The following MACROD2 variants were observed in gnomAD, a reference collection of about 807,000 sequenced individuals.
The protein encoded by MACROD2 is ADP-ribose glycohydrolase MACROD2.
Under a neutral mutation model 70.4 loss-of-function variants are expected in MACROD2, and 36 were observed. The ratio of observed to expected loss-of-function variants is 0.51; its 90% CI spans 0.39 to 0.68. The LOEUF (loss-of-function observed/expected upper bound fraction) is 0.68. Ranked by LOEUF, MACROD2 falls within the 30% of genes least tolerant of loss-of-function variation. The pLI is 0.00. For synonymous variants in MACROD2, 172 were observed against 178.8 expected, an observed-to-expected ratio of 0.96 and a Z score of 0.30; for missense variants, 496 against 538.4, an observed-to-expected ratio of 0.92 and a Z score of 0.78.
chr20:14,688,230 C>T (rs1481284739), intron 5 of MACROD2, among the ~76,000 whole-genome samples: 2 of 152,146 alleles, frequency 1.3e-5, no homozygotes, highest in African/African-American at 4.8e-5. Flanking sequence ...AGCCAGTCAT[C>T]CAGCCACAAG....
chr20:15,562,464 A>G (rs978404550), intron 8 of MACROD2, among the ~76,000 whole-genome samples: 3 of 152,220 alleles, frequency 2.0e-5, no homozygotes, highest in Admixed American at 6.5e-5. Context: ...AAATCCAAGC[A>G]TAGAGATTCC....
rs1175994638 is a variant in MACROD2, at chr20:15,522,853, C to T, written c.645+23006C>T. Among the ~76,000 whole-genome samples, 3 of 152,198 alleles carry T rather than the reference C, an allele frequency of 2.0e-5. No homozygotes were observed. The South Asian group carries it at 6.2e-4, about 32-fold the overall frequency. On this transcript the variant is annotated intron_variant, in intron 8 of 17. Transcript: ENST00000684519. ...ATATACGTAAGCCTGCCTTTTGGAT[C>T]TAGGAGACGGAGAGTTTTATGAAAC...
At chr20:14,437,769 A>G (rs1287750035) in intron 3 of MACROD2, among the ~76,000 whole-genome samples, 3 of 152,220 alleles carry the variant, frequency 2.0e-5, no homozygotes, top group African/African-American at 2.4e-5. Context: ...TACACTCAAA[A>G]TACATTTTCA....
At chr20:14,797,602 C>T (rs1222435035) in intron 5 of MACROD2, among the ~76,000 whole-genome samples, 1 of 152,106 alleles carries the variant, frequency 6.6e-6, no homozygotes, top group Non-Finnish European at 1.5e-5. Flanking sequence ...ACTCAAATGA[C>T]ATTTCCTCAT....
At chr20:15,350,836 A>G (rs1038260885) in intron 6 of MACROD2, among the ~76,000 whole-genome samples, 1 of 152,166 alleles carries the variant, frequency 6.6e-6, no homozygotes, top group Non-Finnish European at 1.5e-5. Flanking sequence ...TGAGATTATT[A>G]TTCTTTACAT....
chr20:15,012,926 A>G (rs973814627), intron 5 of MACROD2, among the ~76,000 whole-genome samples: 2 of 152,202 alleles, frequency 1.3e-5, no homozygotes, highest in African/African-American at 4.8e-5. Flanking sequence ...GCAGAGTCTG[A>G]TCATACACGG....
At chr20:14,244,478 G>A (rs1006895832) in intron 3 of MACROD2, among the ~76,000 whole-genome samples, 1 of 152,178 alleles carries the variant, frequency 6.6e-6, no homozygotes, top group Non-Finnish European at 1.5e-5. Context: ...AACTCTAGAA[G>A]GAGGTGTGAC....
chr20:15,595,045 C>G (rs1324052628), intron 8 of MACROD2, among the ~76,000 whole-genome samples: 1 of 152,122 alleles, frequency 6.6e-6, no homozygotes, highest in Non-Finnish European at 1.5e-5. Flanking sequence ...AGCTTGATAC[C>G]AATCCAGTTC....
At position 14,302,297 on chromosome 20, in the gene MACROD2, G is replaced by A. The variant is rs570460060; in HGVS notation, c.272-191182G>A. The stretch of plus-strand genomic sequence containing the variant: ...TCTTGCTGACTGTCAGCAGAGAGCC[G>A]CCTTTAGCGTCATGCAGCCCTCTCC... On this transcript the variant is annotated intron_variant, in intron 3 of 17. Transcript: ENST00000684519. Among the ~76,000 whole-genome samples, 7 of 152,300 alleles carry A rather than the reference G, an allele frequency of 4.6e-5. 1 individual carries two copies. In the South Asian group the frequency reaches 6.2e-4, roughly 14 times the overall value.
At chr20:15,664,972 G>A (rs116392791) in intron 8 of MACROD2, among the ~76,000 whole-genome samples, 2,768 of 152,260 alleles carry the variant, frequency 0.018, 34 homozygotes, top group African/African-American at 0.027. Context: ...TAGGGCATCC[G>A]TGGATGATTG....
chr20:14,877,939 C>T (rs1361368364), intron 5 of MACROD2, among the ~76,000 whole-genome samples: 1 of 151,932 alleles, frequency 6.6e-6, no homozygotes, highest in Non-Finnish European at 1.5e-5. Flanking sequence ...GTTTTCTTTT[C>T]TCACTGTGTC....
intron 6 of MACROD2, among the ~76,000 whole-genome samples, chr20:15,251,157 AGATGATCAAAATTGGGCT>A (rs1328847163): frequency 1.3e-5 from 2 of 152,214 alleles, no homozygotes; most frequent in Non-Finnish European, 2.9e-5. Context: ...GGTAGGGGTC[AGATGATCAAAATTGGGCT>A]GAATGCAACA....
chr20:15,633,896 C>A (rs16996200), intron 8 of MACROD2, among the ~76,000 whole-genome samples: 6,456 of 152,206 alleles, frequency 0.042, 225 homozygotes, highest in African/African-American at 0.089. Flanking sequence ...TCTTTTGCAT[C>A]TCCGATGAGT....
intron 5 of MACROD2, among the ~76,000 whole-genome samples, chr20:15,067,255 A>G (rs1211879574): frequency 6.6e-6 from 1 of 152,232 alleles, no homozygotes. Context: ...ATTGAAATAT[A>G]ATGTCATGGC....
chr20:15,868,200 A>G (rs1014829859), intron 9 of MACROD2, among the ~76,000 whole-genome samples: 1 of 152,158 alleles, frequency 6.6e-6, no homozygotes, highest in African/African-American at 2.4e-5. Context: ...TGCTTTACCC[A>G]TAAGTAACTA....
chr20:15,835,950 C>T (rs6034299), intron 8 of MACROD2, among the ~76,000 whole-genome samples: 123,546 of 152,172 alleles, frequency 0.81, 50,542 homozygotes, highest in African/African-American at 0.91. Flanking sequence ...AGTTTATCTC[C>T]CTTCCCTCCA....
intron 2 of MACROD2, among the ~76,000 whole-genome samples, chr20:14,050,312 C>T (rs1439021202): frequency 6.6e-6 from 1 of 152,056 alleles, no homozygotes; most frequent in Non-Finnish European, 1.5e-5. Flanking sequence ...GGAAAGATGG[C>T]TCTGTATGTG....
intron 8 of MACROD2, among the ~76,000 whole-genome samples, chr20:15,565,792 T>G (rs1442042082): frequency 6.6e-6 from 1 of 152,180 alleles, no homozygotes; most frequent in Non-Finnish European, 1.5e-5. Flanking sequence ...CTGGCTGTAT[T>G]GCCCAGGCTG....
At chr20:14,022,797 A>G (rs1348028508) in intron 2 of MACROD2, among the ~76,000 whole-genome samples, 3 of 152,168 alleles carry the variant, frequency 2.0e-5, no homozygotes, top group Non-Finnish European at 4.4e-5. Flanking sequence ...TGGCTGCATC[A>G]TATTCCATAC....
Sources: gnomAD v4.1 joint callset for allele counts (sites outside exome capture counted in the v4.1 genomes callset) on GRCh38, gnomAD v4.1.1 for gene constraint, MANE v1.5 for transcripts, NCBI Gene and HGNC (gene_info 2026-07-23, HGNC 2026-07-21) for gene names.